Variants in OSBPL10 observed in about 807,000 individuals in gnomAD.
OSBPL10 encodes oxysterol binding protein like 10.
A neutral mutation model predicts 81.7 loss-of-function variants in OSBPL10; 49 were observed. The observed-to-expected ratio is 0.60, with a 90% CI of 0.48 to 0.76. OSBPL10 has a LOEUF of 0.76. Ranked by LOEUF, OSBPL10 falls within the 30% of genes least tolerant of loss-of-function variation. OSBPL10 has a pLI of 0.00. For missense variants in OSBPL10, 923 were observed against 987.8 expected, an observed-to-expected ratio of 0.93 and a Z score of 0.88; for synonymous variants, 419 against 383.6, an observed-to-expected ratio of 1.09 and a Z score of -1.08.
intron 6 of OSBPL10, among the ~76,000 whole-genome samples, chr3:31,712,304 G>A (rs1696282459): frequency 6.6e-6 from 1 of 152,176 alleles, no homozygotes; most frequent in Non-Finnish European, 1.5e-5. Flanking sequence ...TATCCGAGGT[G>A]GGCAGGATAG....
intron 8 of OSBPL10, among the ~76,000 whole-genome samples, chr3:31,675,728 G>A (rs1400255262): frequency 6.6e-6 from 1 of 151,768 alleles, no homozygotes; most frequent in Non-Finnish European, 1.5e-5. Context: ...GGTGGATCAC[G>A]AGGTCAGGAG....
intron 1 of OSBPL10, among the ~76,000 whole-genome samples, chr3:31,940,542 T>C (rs1697505653): frequency 6.6e-6 from 1 of 152,252 alleles, no homozygotes; most frequent in African/African-American, 2.4e-5. Flanking sequence ...AAGTATTTTC[T>C]GAGAGTGCCA....
chr3:31,707,230 A>AGG (rs1450478127), intron 6 of OSBPL10: 4 of 152,234 alleles, frequency 2.6e-5, no homozygotes, highest in African/African-American at 9.6e-5. Flanking sequence ...ACAGACATGC[A>AGG]GGGGCAAGAG....
At chr3:31,691,918 G>A (rs985460136) in intron 7 of OSBPL10, among the ~76,000 whole-genome samples, 13 of 151,992 alleles carry the variant, frequency 8.6e-5, no homozygotes, top group East Asian at 5.8e-4. Context: ...AAAATAAAGC[G>A]CAGACAATTC....
intron 6 of OSBPL10, among the ~76,000 whole-genome samples, chr3:31,719,268 C>T (rs547975015): frequency 5.9e-5 from 9 of 152,286 alleles, no homozygotes; most frequent in Non-Finnish European, 1.3e-4. Flanking sequence ...GTTGTTACTG[C>T]TTCTTACCTC....
chr3:31,817,476 C>A (rs890699067), intron 4 of OSBPL10, among the ~76,000 whole-genome samples: 7 of 152,208 alleles, frequency 4.6e-5, no homozygotes, highest in African/African-American at 1.4e-4. Context: ...GGCAGGGTTC[C>A]TGCTTGTCCC....
Position 31,852,424 on chromosome 3 carries a change from T to G in OSBPL10, c.538-22193A>C, listed in dbSNP as rs376905995. ...ATTATCCAGCCAAAAATGTCAATAG[T>G]ACCAAGGTGGGAAAACCCTGGGATG... On this transcript the variant is annotated intron_variant, in intron 3 of 11. Transcript: ENST00000396556. 5.9e-5 allele frequency among the ~76,000 whole-genome samples: 9 copies of G among 152,238 alleles called. No homozygotes were observed. The East Asian group carries it at 1.7e-3, about 29-fold the overall frequency.
At chr3:31,684,302 G>GAATCAAAGAAATGAGAAGTGGCAGTGT in intron 7 of OSBPL10, among the ~76,000 whole-genome samples, 188 bp from the exon 8 acceptor site, 1 of 152,324 alleles carries the variant, frequency 6.6e-6, no homozygotes, top group Non-Finnish European at 1.5e-5. Flanking sequence ...AGTGGCAGTG[G>GAATCAAAGAAATGAGAAGTGGCAGTGT]AATCAACGAG....
At chr3:31,860,546 A>G (rs1261796744) in intron 3 of OSBPL10, among the ~76,000 whole-genome samples, 1 of 152,176 alleles carries the variant, frequency 6.6e-6, no homozygotes, top group African/African-American at 2.4e-5. Flanking sequence ...TATGAGCCAC[A>G]TTCTCCACCG....
In OSBPL10 at chr3:32,006,045, A is replaced by C. The variant is rs1009694719; in HGVS notation, n.298+40446T>G. On this transcript the variant is annotated intron_variant and non_coding_transcript_variant, in intron 2 of 3. Coordinates refer to the OSBPL10 transcript ENST00000479173. Reference sequence around the variant, plus strand: ...CTGCAGCCTCCGCCTCCCAGGTTCTAGCAATTCTCCCACCTCAGCCTCCCA... The same window carrying C: ...CTGCAGCCTCCGCCTCCCAGGTTCTCGCAATTCTCCCACCTCAGCCTCCCA... 2.6e-5 allele frequency among the ~76,000 whole-genome samples: 4 copies of C among 151,986 alleles called. No homozygotes were observed. In the East Asian group the frequency reaches 7.7e-4, roughly 29 times the overall value.
At chr3:31,810,449 C>A (rs997564919) in intron 4 of OSBPL10, among the ~76,000 whole-genome samples, 1 of 123,716 alleles carries the variant, frequency 8.1e-6, no homozygotes, top group African/African-American at 3.6e-5. Context: ...TGACACAGAA[C>A]TCCAAATCTC....
intron 1 of OSBPL10, among the ~76,000 whole-genome samples, chr3:31,897,073 T>TA (rs1156360639): frequency 1.3e-5 from 2 of 151,768 alleles, no homozygotes; most frequent in East Asian, 1.9e-4. Context: ...ATCTACACTA[T>TA]AAAAGGAAGA....
At chr3:31,782,821 A>G (rs1698731592) in intron 4 of OSBPL10, among the ~76,000 whole-genome samples, 4 of 152,266 alleles carry the variant, frequency 2.6e-5, no homozygotes, top group Admixed American at 2.6e-4. Context: ...AAAAGGAAAC[A>G]CTTTTACACT....
chr3:31,917,966 CTAAG>C (rs1236082406), intron 1 of OSBPL10, among the ~76,000 whole-genome samples: 1 of 151,818 alleles, frequency 6.6e-6, no homozygotes, highest in Non-Finnish European at 1.5e-5. Context: ...AATTTAGAAA[CTAAG>C]TGAGGTTAAT....
intron 2 of OSBPL10, among the ~76,000 whole-genome samples, chr3:32,001,342 A>G (rs562573344): frequency 4.3e-4 from 65 of 152,310 alleles, no homozygotes; most frequent in African/African-American, 1.4e-3. Context: ...CTGTTGGTGT[A>G]TTCTGTCTGG....
At chr3:31,904,565 A>G (rs2125682138) in intron 1 of OSBPL10, among the ~76,000 whole-genome samples, 1 of 152,290 alleles carries the variant, frequency 6.6e-6, no homozygotes, top group East Asian at 1.9e-4. Context: ...CATGCTCCCA[A>G]GCCTCCACAC....
chr3:31,884,347 CCTCTT>C (rs1294043562), intron 1 of OSBPL10, among the ~76,000 whole-genome samples: 2 of 152,190 alleles, frequency 1.3e-5, no homozygotes, highest in Admixed American at 6.5e-5. Flanking sequence ...ATAATTTACT[CCTCTT>C]CTAAAGACAG....
At chr3:31,771,226 A>T (rs966977274) in intron 4 of OSBPL10, among the ~76,000 whole-genome samples, 20 of 152,072 alleles carry the variant, frequency 1.3e-4, no homozygotes, top group Admixed American at 6.6e-5. Flanking sequence ...TAAAACAGTG[A>T]CAGGCATGTA....
chr3:32,029,784 G>C (rs1310039976), intron 2 of OSBPL10, among the ~76,000 whole-genome samples: 3 of 152,146 alleles, frequency 2.0e-5, no homozygotes, highest in Middle Eastern at 3.2e-3. Flanking sequence ...ATCTCAGGTA[G>C]AGCCAGAGAA....
Sources: gnomAD v4.1 joint callset for allele counts (sites outside exome capture counted in the v4.1 genomes callset) on GRCh38, gnomAD v4.1.1 for gene constraint, MANE v1.5 for transcripts, NCBI Gene and HGNC (gene_info 2026-07-23, HGNC 2026-07-21) for gene names.